The following DISP3 variants were observed in gnomAD, a reference collection of about 807,000 sequenced individuals.
DISP3 encodes protein dispatched homolog 3.
A neutral mutation model predicts 135.3 loss-of-function variants in DISP3; 101 were observed. That is an observed-to-expected ratio of 0.75 (90% CI 0.64 to 0.88). The LOEUF is 0.88. Among genes scored for constraint, DISP3 ranks in the 40% least tolerant of loss-of-function variants. The pLI, the probability that DISP3 is intolerant of heterozygous loss-of-function variation, is 0.00. For synonymous variants in DISP3, 856 were observed against 817.0 expected (o/e 1.05, Z -0.81); for missense variants, 1,713 against 1,878.6 (o/e 0.91, Z 1.63).
At position 11,501,424 on chromosome 1, in the gene DISP3, C is replaced by T. The variant is rs764369859; in HGVS notation, c.432C>T (p.Thr144=). 1.6e-5 allele frequency: 26 copies of T among 1,593,924 alleles called. No individual in the cohort carries two copies. Among genetic ancestry groups the T allele is most frequent in the South Asian group, 1.1e-5 (1 of 88,316 alleles). The change falls in exon 2 of 21, where the codon ACC becomes ACT. Residue 144 remains threonine (T), a synonymous_variant. Transcript: ENST00000294484. The surrounding 1 kb of genome is among the most constrained non-coding windows in gnomAD (Gnocchi z 4.9). ...ACCGGCGCGATTTGGCCGACTTCAC[C>T]TCCGAGACGCTTCAGCGCCTTATCT... The part of the protein sequence containing the change: ...GRNRRDLADF[T]SETLQRLISE...
intron 1 of DISP3, among the ~76,000 whole-genome samples, chr1:11,490,994 G>A (rs1557592716): frequency 6.6e-6 from 1 of 152,182 alleles, no homozygotes; most frequent in African/African-American, 2.4e-5. Flanking sequence ...ACCAAGAAGA[G>A]CTATTTGGCA....
At chr1:11,522,592 C>G (rs1642237189) in intron 10 of DISP3, among the ~76,000 whole-genome samples, 1 of 137,218 alleles carries the variant, frequency 7.3e-6, no homozygotes, top group Non-Finnish European at 1.6e-5. Context: ...AAGACCCAGC[C>G]AGGACCCAGC....
chr1:11,507,077 C>G (rs1641724299), intron 3 of DISP3, among the ~76,000 whole-genome samples: 1 of 152,160 alleles, frequency 6.6e-6, no homozygotes, highest in Non-Finnish European at 1.5e-5. Context: ...CAAAGTGTGA[C>G]TTTTATTCAG....
chr1:11,502,541 C>T, intron 2 of DISP3, 137 bp from the exon 3 acceptor site: 1 of 694,028 alleles, frequency 1.4e-6, no homozygotes, highest in Non-Finnish European at 2.4e-6. Context: ...GGTTGTGGGG[C>T]CTGGGGTGGA....
At chr1:11,510,201 C>T (rs906291277) in intron 3 of DISP3, among the ~76,000 whole-genome samples, 1 of 152,134 alleles carries the variant, frequency 6.6e-6, no homozygotes, top group Non-Finnish European at 1.5e-5. Flanking sequence ...TATGGTTAGA[C>T]TTAAGTATAT....
At chr1:11,533,262 T>C (rs1412654375) in intron 17 of DISP3, among the ~76,000 whole-genome samples, 1 of 146,932 alleles carries the variant, frequency 6.8e-6, no homozygotes, top group African/African-American at 2.5e-5. Context: ...TCTTTTTTTT[T>C]TTTTTTTTTT....
Position 11,531,042 on chromosome 1 carries a change from G to A in DISP3, c.3229+9G>A, listed in dbSNP as rs1454491902. ...CCAGTGCCTGCCTTCAGGTGCGTGG[G>A]GTGTGGGGAGCTGGTTCCTCCGAGG... On this transcript the variant is annotated intron_variant, in intron 16 of 20. Coordinates refer to ENST00000294484, the MANE Select transcript of DISP3 (RefSeq NM_020780.2). The surrounding 1 kb of genome is among the most constrained non-coding windows in gnomAD (Gnocchi z 5.2). 4 of 1,612,978 alleles carry A rather than the reference G, an allele frequency of 2.5e-6. No individual in the cohort carries two copies. The highest frequency in any genetic ancestry group is 2.7e-5 in the African/African-American group (2 of 74,924).
rs1431462141 is a variant in DISP3, at chr1:11,519,973, A to C, written c.2200+93A>C. The C allele has an allele frequency of 3.9e-6, 5 of 1,292,888 alleles. No homozygotes were observed. The highest frequency in any genetic ancestry group is 5.3e-6 in the Non-Finnish European group (5 of 940,056). 80.1% of individuals were successfully genotyped at this position (1,292,888 alleles called of 1,614,324 possible). ...GCCCACCCCCTCTCGCAGATGCCCC[A>C]GGGTCAGAGGCCTGGGCTGGGGTCT... On this transcript the variant is annotated intron_variant, in intron 9 of 20. Coordinates refer to ENST00000294484, the MANE Select transcript of DISP3 (RefSeq NM_020780.2). The surrounding 1 kb of genome is among the most constrained non-coding windows in gnomAD (Gnocchi z 4.3).
At chr1:11,488,464 T>C (rs1641096610) in intron 1 of DISP3, among the ~76,000 whole-genome samples, 1 of 152,186 alleles carries the variant, frequency 6.6e-6, no homozygotes, top group South Asian at 2.1e-4. Flanking sequence ...CAGGAAGCCT[T>C]CCCTGGAGCC....
chr1:11,519,424 G>C lies in DISP3; in HGVS notation c.1959G>C (p.Gln653His). The change falls in exon 8 of 21, where the codon CAG (glutamine) becomes CAC (histidine). Residue 653 changes from glutamine (Q) to histidine (H), a missense_variant. Transcript: ENST00000294484. This position sits in a 1 kb window ranked among gnomAD's most constrained non-coding sequence, Gnocchi z 4.3. ...GAGACGTGTTTGCCGCTCCCGAGCA[G>C]GTTGGAGGCAGCCCTGCCCAGGGCC... ...FPGDVFAAPE[Q>H]VGGSPAQGPI... The C allele has an allele frequency of 6.2e-7, 1 of 1,613,852 alleles. No homozygotes were observed. The highest frequency in any genetic ancestry group is 8.5e-7 in the Non-Finnish European group (1 of 1,180,006).
At position 11,516,037 on chromosome 1, in the gene DISP3, G is replaced by A. The variant is rs41274532; in HGVS notation, c.1625G>A (p.Arg542His). The change falls in exon 6 of 21, where the codon CGC becomes CAC. Residue 542 changes from arginine to histidine, a missense_variant. Physicochemically the swap from Arg to His is conservative, Grantham distance 29. Around this residue, in one of 2 missense-constraint regions of DISP3, gnomAD observed 1,142 missense variants for 1,384.6 expected, o/e 0.82. Coordinates refer to ENST00000294484, the MANE Select transcript of DISP3 (RefSeq NM_020780.2). The surrounding 1 kb of genome is among the most constrained non-coding windows in gnomAD (Gnocchi z 5.1). ...DDVFVFINTY[R>H]QATHLEDPQL... Reference sequence around the variant, plus strand: ...GTCTTTGTGTTCATCAACACCTACCGCCAGGCCACCCACCTGGAAGACCCA... The same window carrying A: ...GTCTTTGTGTTCATCAACACCTACCACCAGGCCACCCACCTGGAAGACCCA... The A allele has an allele frequency of 4.4e-3, 7,144 of 1,613,970 alleles. 27 individuals are homozygous for A. The highest frequency in any genetic ancestry group is 5.5e-3 in the Non-Finnish European group (6,534 of 1,179,948).
intron 3 of DISP3, among the ~76,000 whole-genome samples, chr1:11,510,502 A>G (rs1293468361): frequency 2.0e-5 from 3 of 152,146 alleles, no homozygotes; most frequent in Admixed American, 6.5e-5. Flanking sequence ...ATTTTAATGT[A>G]TATTATAAAC....
rs1642144925 is a variant in DISP3 at position 11,520,247 on chromosome 1, G to A, written c.2200+367G>A. On this transcript the variant is annotated intron_variant, in intron 9 of 20. Coordinates refer to ENST00000294484, the MANE Select transcript of DISP3 (RefSeq NM_020780.2). The surrounding 1 kb of genome is among the most constrained non-coding windows in gnomAD (Gnocchi z 4.8). ...TCTGTAATTGAGGATGAGAACGGTG[G>A]CTAGGAAGGCAGCTGTCAGTGGAGA... Among the ~76,000 whole-genome samples, 1 of 152,164 alleles carries A rather than the reference G, an allele frequency of 6.6e-6. No homozygotes were observed. Among genetic ancestry groups the A allele is most frequent in the African/African-American group, 2.4e-5 (1 of 41,440 alleles).
In DISP3 at chr1:11,531,638, G is replaced by T; in HGVS notation, c.3303G>T (p.Pro1101=). The change falls in exon 17 of 21, where the codon CCG becomes CCT. Residue 1101 remains proline (P), a synonymous_variant. Coordinates refer to ENST00000294484, the MANE Select transcript of DISP3 (RefSeq NM_020780.2). This position sits in a 1 kb window ranked among gnomAD's most constrained non-coding sequence, Gnocchi z 5.2. ...AGCTGCCCGAGCCCAACCTGCTCCC[G>T]GGGCAGCTGTCCCACGGGGCAGTGG... is the stretch of plus-strand genomic sequence containing the variant. ...CKELPEPNLL[P]GQLSHGAVGV... 2 of 1,613,320 alleles carry T rather than the reference G, an allele frequency of 1.2e-6. No homozygotes were observed. Among genetic ancestry groups the T allele is most frequent in the Non-Finnish European group, 1.7e-6 (2 of 1,179,850 alleles).
At chr1:11,494,721 T>G (rs1190526272) in intron 1 of DISP3, among the ~76,000 whole-genome samples, 1 of 152,226 alleles carries the variant, frequency 6.6e-6, no homozygotes, top group Admixed American at 6.5e-5. Context: ...CAAAACATCC[T>G]GAGCCAGGAA....
chr1:11,501,582 C>T lies in DISP3; in HGVS notation c.590C>T (p.Ala197Val). Residue 197 changes from alanine (A) to valine (V), a missense_variant, in exon 2 of 21, where the codon GCC (alanine) becomes GTC (valine). Ala to Val is a moderately conservative substitution (Grantham distance 64). This residue lies in a region of DISP3 where 571 missense variants were observed against 494.1 expected (regional missense o/e 1.16). Coordinates refer to ENST00000294484, the MANE Select transcript of DISP3 (RefSeq NM_020780.2). The surrounding 1 kb of genome is among the most constrained non-coding windows in gnomAD (Gnocchi z 4.9). ...RDTSAAQKPT[A>V]NRSGRLRRET... ...ACTTCCGCGGCTCAAAAGCCCACAG[C>T]CAATCGGAGCGGGCGACTTCGGCGT... 2 of 1,592,886 alleles carry T rather than the reference C, an allele frequency of 1.3e-6. No individual in the cohort carries two copies. The highest frequency in any genetic ancestry group is 2.2e-5 in the East Asian group (1 of 44,542).
chr1:11,519,113 C>T lies in DISP3; in HGVS notation c.1890-242C>T, dbSNP rs992948345. Among the ~76,000 whole-genome samples, 1 of 152,180 alleles carries T rather than the reference C, an allele frequency of 6.6e-6. No homozygotes were observed. ...CACTGTGTGTTGTCATCCCCTCTTCCTGGGTAATGTTTGCTGTCACCATTT... is the reference window on the plus strand; with the variant it reads ...CACTGTGTGTTGTCATCCCCTCTTCTTGGGTAATGTTTGCTGTCACCATTT... On this transcript the variant is annotated intron_variant, in intron 7 of 20. Transcript: ENST00000294484. The surrounding 1 kb of genome is among the most constrained non-coding windows in gnomAD (Gnocchi z 4.3).
chr1:11,536,558 C>T lies in DISP3; in HGVS notation c.4051C>T (p.Arg1351Trp), dbSNP rs1259635706. 13 of 1,612,458 alleles carry T rather than the reference C, an allele frequency of 8.1e-6. No individual in the cohort carries two copies. Among genetic ancestry groups the T allele is most frequent in the Admixed American group, 1.7e-5 (1 of 60,014 alleles). The stretch of plus-strand genomic sequence containing the variant: ...CATCATGGCGCCCAGCTCTTTCACT[C>T]GGACCCGGACTTCCTTCCTCAAGGC... ...LGIMAPSSFT[R>W]TRTSFLKALG... The change falls in exon 21 of 21, where the codon CGG becomes TGG. Residue 1351 changes from arginine (R) to tryptophan (W), a missense_variant. This residue lies in a region of DISP3 where 1,142 missense variants were observed against 1,384.6 expected (regional missense o/e 0.82). Transcript: ENST00000294484. This position sits in a 1 kb window ranked among gnomAD's most constrained non-coding sequence, Gnocchi z 4.3.
At chr1:11,515,600 C>T (rs781458506) in intron 5 of DISP3, 97 bp downstream of exon 5, 5 of 1,478,600 alleles carry the variant, frequency 3.4e-6, no homozygotes, top group East Asian at 2.3e-5. Context: ...TCCCTGGGGG[C>T]TCTACACAGC....
Sources: allele counts gnomAD v4.1 joint callset (sites outside exome capture counted in the v4.1 genomes callset), GRCh38; gene constraint gnomAD v4.1.1; regional missense constraint gnomAD v4.1.1; non-coding constraint Gnocchi (gnomAD v3.1); transcripts MANE v1.5; gene names NCBI Gene and HGNC (gene_info 2026-07-23, HGNC 2026-07-21).